Variants in PPME1 observed in about 807,000 individuals in gnomAD.
PPME1 encodes testicular secretory protein Li 39.
Under a neutral mutation model 56.9 loss-of-function variants are expected in PPME1, and 17 were observed. The ratio of observed to expected loss-of-function variants is 0.30; its 90% CI spans 0.20 to 0.45. The LOEUF is 0.45. Ranked by LOEUF, PPME1 falls within the 20% of genes least tolerant of loss-of-function variation. The pLI is 1.00. For missense variants in PPME1, 357 were observed against 483.2 expected (o/e 0.74, Z 2.45); for synonymous variants, 122 against 156.2 (o/e 0.78, Z 1.63).
chr11:74,200,183 TA>T (rs563148810), intron 1 of PPME1, among the ~76,000 whole-genome samples: 129 of 152,284 alleles, frequency 8.5e-4, no homozygotes, highest in African/African-American at 2.5e-3. Flanking sequence ...AGGCATAAAA[TA>T]AGAAACTAAA....
intron 1 of PPME1, among the ~76,000 whole-genome samples, chr11:74,202,353 T>G (rs544740554): frequency 3.9e-5 from 6 of 152,332 alleles, no homozygotes; most frequent in African/African-American, 7.2e-5. Flanking sequence ...ATTTCATTGT[T>G]AGATTCAGAA....
intron 5 of PPME1, among the ~76,000 whole-genome samples, chr11:74,227,244 G>A (rs999212099): frequency 9.2e-5 from 14 of 152,118 alleles, no homozygotes; most frequent in Admixed American, 1.3e-4. Context: ...ATGCCTACTG[G>A]CAAGGGTAAA....
chr11:74,212,093 C>G, intron 3 of PPME1, among the ~76,000 whole-genome samples: 1 of 152,220 alleles, frequency 6.6e-6, no homozygotes, highest in East Asian at 1.9e-4. Context: ...TAAAGAGACA[C>G]TGAAGAGGAT....
intron 1 of PPME1, among the ~76,000 whole-genome samples, chr11:74,178,740 G>T (rs1857458483): frequency 6.6e-6 from 1 of 151,684 alleles, no homozygotes. Context: ...TTTTTCCATT[G>T]TTGCTTATTG....
rs1859030653 is a variant in PPME1, at chr11:74,230,188, C to A, written c.399-57C>A. ...CAAAGAAAGGAACTGGGAAAGAAAA[C>A]CATTTTTACAGTGTTGTCAGAAAGC... is the stretch of plus-strand genomic sequence containing the variant. On this transcript the variant is annotated intron_variant, in intron 5 of 13. Coordinates refer to ENST00000328257, the MANE Select transcript of PPME1 (RefSeq NM_016147.3). This position sits in a 1 kb window ranked among gnomAD's most constrained non-coding sequence, Gnocchi z 4.9. 2.3e-5 allele frequency: 35 copies of A among 1,541,770 alleles called. No homozygotes were observed. Among genetic ancestry groups the A allele is most frequent in the Non-Finnish European group, 3.0e-5 (34 of 1,144,450 alleles).
intron 3 of PPME1, 118 bp from the exon 4 acceptor site, chr11:74,222,194 T>C: frequency 1.4e-6 from 1 of 734,430 alleles, no homozygotes; most frequent in Non-Finnish European, 2.3e-6. Context: ...AGAAAGTCTT[T>C]TGATTCTCTT....
intron 1 of PPME1, among the ~76,000 whole-genome samples, chr11:74,185,811 C>A (rs1053603486): frequency 6.6e-6 from 1 of 152,090 alleles, no homozygotes. Flanking sequence ...TACACCTGTT[C>A]TCCCTGTGCT....
chr11:74,210,720 C>G (rs542104201), intron 3 of PPME1, among the ~76,000 whole-genome samples: 1 of 152,200 alleles, frequency 6.6e-6, no homozygotes, highest in African/African-American at 2.4e-5. Context: ...GCCTGATGCA[C>G]TCAGCAGCAG....
At chr11:74,249,061 T>C (rs1859584686) in intron 11 of PPME1, 2 of 152,268 alleles carry the variant, frequency 1.3e-5, no homozygotes, top group Admixed American at 1.3e-4. Flanking sequence ...ATGCCTTTCA[T>C]TATATTCAGG....
chr11:74,252,342 C>T, intron 13 of PPME1: 1 of 424,426 alleles, frequency 2.4e-6, no homozygotes, highest in Non-Finnish European at 4.8e-6. Context: ...CCCGCATCGG[C>T]CTCCTAAAGT....
At chr11:74,213,597 T>C (rs892897474) in intron 3 of PPME1, among the ~76,000 whole-genome samples, 2 of 152,188 alleles carry the variant, frequency 1.3e-5, no homozygotes, top group Non-Finnish European at 2.9e-5. Context: ...GGGGTACTTG[T>C]GTCACTCCAC....
intron 9 of PPME1, among the ~76,000 whole-genome samples, chr11:74,240,800 A>G (rs998792788): frequency 6.6e-6 from 1 of 152,248 alleles, no homozygotes; most frequent in African/African-American, 2.4e-5. Context: ...AAGGTAATCA[A>G]GAACGCATTT....
At chr11:74,222,755 C>T in intron 4 of PPME1, 1 of 224,052 alleles carries the variant, frequency 4.5e-6, no homozygotes, top group Non-Finnish European at 9.1e-6. Context: ...TCCCAGAGTG[C>T]TAGCATCACA....
chr11:74,249,518 G>A (rs1033631249), intron 11 of PPME1: 3 of 152,210 alleles, frequency 2.0e-5, no homozygotes, highest in Non-Finnish European at 4.4e-5. Context: ...AAAGAGGAAG[G>A]ACAAATGCGT....
chr11:74,223,357 G>C (rs1267411992), intron 4 of PPME1, among the ~76,000 whole-genome samples: 1 of 150,402 alleles, frequency 6.6e-6, no homozygotes, highest in Admixed American at 6.6e-5. Context: ...GGACATTTGG[G>C]TTGGTTCCAA....
intron 5 of PPME1, among the ~76,000 whole-genome samples, chr11:74,225,574 A>G (rs903154226): frequency 6.6e-6 from 1 of 152,188 alleles, no homozygotes; most frequent in Non-Finnish European, 1.5e-5. Context: ...GGTACTTATC[A>G]TGGACTCACG....
chr11:74,188,352 A>G (rs1269309320), intron 1 of PPME1, among the ~76,000 whole-genome samples: 1 of 151,624 alleles, frequency 6.6e-6, no homozygotes, highest in African/African-American at 2.4e-5. Context: ...ACACCTGGCT[A>G]ATTTGTGTAT....
At chr11:74,252,322 A>C (rs1311511728) in intron 13 of PPME1, 2 of 390,204 alleles carry the variant, frequency 5.1e-6, no homozygotes, top group Non-Finnish European at 1.0e-5. Flanking sequence ...TCCTGGCCTC[A>C]AGTGATCCAC....
intron 7 of PPME1, 83 bp downstream of exon 7, chr11:74,231,085 C>CCT (rs1182973141): frequency 2.4e-5 from 28 of 1,185,828 alleles, no homozygotes; most frequent in Middle Eastern, 1.9e-4. Flanking sequence ...GGAGACAAGG[C>CCT]CTCACTCTGT....
Sources: gnomAD v4.1 joint callset for allele counts (sites outside exome capture counted in the v4.1 genomes callset) on GRCh38, gnomAD v4.1.1 for gene constraint, Gnocchi (gnomAD v3.1) non-coding constraint, MANE v1.5 for transcripts, NCBI Gene and HGNC (gene_info 2026-07-23, HGNC 2026-07-21) for gene names.